The following ALG11 variants were observed in gnomAD, a reference collection of about 807,000 sequenced individuals.
ALG11 encodes ALG11 alpha-1,2-mannosyltransferase, also known as GDP-Man:Man(3)GlcNAc(2)-PP-Dol alpha-1,2-mannosyltransferase.
A neutral mutation model predicts 38.8 loss-of-function variants in ALG11; 26 were observed. The ratio of observed to expected loss-of-function variants is 0.67; its 90% CI spans 0.49 to 0.93. The LOEUF (loss-of-function observed/expected upper bound fraction) is 0.93. Ranked by LOEUF, ALG11 falls within the 40% of genes least tolerant of loss-of-function variation. The pLI, the probability that ALG11 is intolerant of heterozygous loss-of-function variation, is 0.00. For missense variants in ALG11, 535 were observed against 578.8 expected (o/e 0.92, Z 0.78); for synonymous variants, 199 against 211.6 (o/e 0.94, Z 0.52).
Position 52,030,296 on chromosome 13 carries a change from C to CT in ALG11, c.*1707dup. On this transcript the variant is annotated 3_prime_UTR_variant, in exon 4 of 4. Transcript: ENST00000521508. ...ACCTGCCCCAGAAGAAGCGGAACCC[C>CT]TATTGCTACAGAGGTCAGAGAGAGT... 1 of 1,614,198 alleles carries CT rather than the reference C, an allele frequency of 6.2e-7. No individual in the cohort carries two copies. The highest frequency in any genetic ancestry group is 8.5e-7 in the Non-Finnish European group (1 of 1,180,038).
At position 52,024,345 on chromosome 13, in the gene ALG11, C is replaced by T. The variant is rs778703747; in HGVS notation, c.615C>T (p.Asp205=). 6.2e-7 allele frequency: 1 copy of T among 1,614,192 alleles called. No homozygotes were observed. Among genetic ancestry groups the T allele is most frequent in the Non-Finnish European group, 8.5e-7 (1 of 1,180,020 alleles). The change falls in exon 3 of 4, where the codon GAC becomes GAT. Residue 205 remains aspartate, a synonymous_variant. Transcript: ENST00000521508. ...TTCATTATCCTACTATCAGCACCGA[C>T]ATGCTCTCTGTAGTGAAGAATCAAA... ...SYVHYPTIST[D]MLSVVKNQNI...
At chr13:52,019,697 T>C (rs1479730604) in intron 2 of ALG11, among the ~76,000 whole-genome samples, 1 of 152,198 alleles carries the variant, frequency 6.6e-6, no homozygotes, top group Non-Finnish European at 1.5e-5. Context: ...TCCCAGTACT[T>C]TGTGAAGCCG....
rs1954283081 is a variant in ALG11, at chr13:52,030,035, C to T, written c.*1445C>T. The T allele has an allele frequency of 1.2e-6, 2 of 1,613,902 alleles. No homozygotes were observed. The highest frequency in any genetic ancestry group is 1.3e-5 in the African/African-American group (1 of 74,912). On this transcript the variant is annotated 3_prime_UTR_variant, in exon 4 of 4. Transcript: ENST00000521508. ...TTCTGCAAGTGAGGCAGAAGAAAGA[C>T]CAGTGGCAGAGGAAGAAATTTTGTT...
chr13:52,018,119 CTT>C (rs1954150614), intron 1 of ALG11, among the ~76,000 whole-genome samples: 1 of 152,154 alleles, frequency 6.6e-6, no homozygotes, highest in South Asian at 2.1e-4. Context: ...ACGTAATAAA[CTT>C]TTGCATCCGT....
intron 3 of ALG11, among the ~76,000 whole-genome samples, chr13:52,026,809 G>T (rs1954245532): frequency 6.6e-6 from 1 of 152,232 alleles, no homozygotes; most frequent in Admixed American, 6.5e-5. Flanking sequence ...GGAGTCTGAA[G>T]TTGAGAGGAG....
At chr13:52,018,860 A>AT (rs1221318134) in intron 1 of ALG11, 53 bp from the exon 2 acceptor site, 12 of 1,468,482 alleles carry the variant, frequency 8.2e-6, no homozygotes, top group South Asian at 2.3e-5. Context: ...TTAATTTGTA[A>AT]TTTTTTTAAT....
At chr13:52,028,009 A>G (rs899764428) in intron 3 of ALG11, among the ~76,000 whole-genome samples, 2 of 152,182 alleles carry the variant, frequency 1.3e-5, no homozygotes, top group African/African-American at 4.8e-5. Flanking sequence ...GGTAAATCCC[A>G]GCACTTTGGG....
intron 3 of ALG11, among the ~76,000 whole-genome samples, chr13:52,026,576 A>G (rs1954242540): frequency 6.6e-6 from 1 of 152,154 alleles, no homozygotes; most frequent in Non-Finnish European, 1.5e-5. Flanking sequence ...CTGCAGTAGT[A>G]TTGACCAGGA....
At position 52,030,670 on chromosome 13, in the gene ALG11, C is replaced by T. The variant is rs756187967; in HGVS notation, c.*2080C>T. ...CTGTGGAGGCGAGTAAGCCAAAGGA[C>T]GTGGACCTGACACTACCTGGCTGGG... On this transcript the variant is annotated 3_prime_UTR_variant, in exon 4 of 4. Coordinates refer to ENST00000521508, the MANE Select transcript of ALG11 (RefSeq NM_001004127.3). The T allele has an allele frequency of 8.7e-6, 14 of 1,614,074 alleles. No individual in the cohort carries two copies. Among genetic ancestry groups the T allele is most frequent in the Admixed American group, 1.7e-5 (1 of 60,006 alleles).
intron 3 of ALG11, 125 bp from the exon 4 acceptor site, chr13:52,028,194 T>C (rs531463116): frequency 8.9e-7 from 1 of 1,128,496 alleles, no homozygotes; most frequent in South Asian, 1.4e-5. Flanking sequence ...AGCAAATGTC[T>C]AGACATACAT....
intron 3 of ALG11, among the ~76,000 whole-genome samples, chr13:52,025,453 AT>A (rs1425236870): frequency 6.6e-6 from 1 of 152,204 alleles, no homozygotes; most frequent in Non-Finnish European, 1.5e-5. Flanking sequence ...AGGTAGATGT[AT>A]TTTGATAATG....
chr13:52,026,700 G>A (rs2140843924), intron 3 of ALG11, among the ~76,000 whole-genome samples: 1 of 152,336 alleles, frequency 6.6e-6, no homozygotes, highest in African/African-American at 2.4e-5. Context: ...GGAAATCCAA[G>A]AGCAAATGCC....
intron 2 of ALG11, chr13:52,022,209 A>T (rs1413288074): frequency 6.6e-6 from 1 of 152,200 alleles, no homozygotes; most frequent in Non-Finnish European, 1.5e-5. Flanking sequence ...CTACTTAAAA[A>T]ATACAAAAAT....
chr13:52,013,521 G>C (rs1954105992), intron 1 of ALG11, among the ~76,000 whole-genome samples: 1 of 152,172 alleles, frequency 6.6e-6, no homozygotes, highest in African/African-American at 2.4e-5. Flanking sequence ...TTTAACTTTA[G>C]TTATTATGCA....
rs1954287458 is a variant in ALG11, at chr13:52,030,260, C to G, written c.*1670C>G. ...TTCAGAGGGGACTGTTCCCCAGGTC[C>G]AGAGAGAGGAACCTGCCCCAGAAGA... On this transcript the variant is annotated 3_prime_UTR_variant, in exon 4 of 4. Coordinates refer to ENST00000521508, the MANE Select transcript of ALG11 (RefSeq NM_001004127.3). 2 of 1,614,176 alleles carry G rather than the reference C, an allele frequency of 1.2e-6. No individual in the cohort carries two copies. Among genetic ancestry groups the G allele is most frequent in the Admixed American group, 1.7e-5 (1 of 60,026 alleles).
Position 52,018,999 on chromosome 13 carries a change from T to G in ALG11, c.131T>G (p.Leu44Arg), listed in dbSNP as rs752342899. 6.2e-7 allele frequency: 1 copy of G among 1,613,968 alleles called. No homozygotes were observed. Among genetic ancestry groups the G allele is most frequent in the East Asian group, 2.2e-5 (1 of 44,874 alleles). The part of the protein sequence containing the change: ...CLVIVLWGIR[L>R]LLQRKKKLVS... ...GTCATTGTCCTTTGGGGAATCAGAC[T>G]GCTGCTACAGAGAAAGAAAAAATTA... The change falls in exon 2 of 4, where the codon CTG becomes CGG. Residue 44 changes from leucine to arginine, a missense_variant. Leu to Arg is a moderately radical substitution (Grantham distance 102). Transcript: ENST00000521508.
In ALG11 at chr13:52,033,176, A is replaced by G. The variant is rs1432698784; in HGVS notation, c.*4586A>G. On this transcript the variant is annotated 3_prime_UTR_variant, in exon 4 of 4. Transcript: ENST00000521508. ...TATTTTTTTCTGAATGATAGCATGA[A>G]AAGTGTCAAAGTGGTTTGTCCGCTA... 6.0e-6 allele frequency: 1 copy of G among 167,060 alleles called. No homozygotes were observed. Among genetic ancestry groups the G allele is most frequent in the African/African-American group, 2.4e-5 (1 of 41,436 alleles). 10.3% of individuals were successfully genotyped at this position (167,060 alleles called of 1,614,324 possible). A position where few individuals can be genotyped will look rare whatever the true frequency, so the allele number is the denominator to read the frequency against.
rs755396915 is a variant in ALG11, at chr13:52,024,508, TGG to T, written c.779_780del (p.Trp260TyrfsTer16). On this transcript the variant is annotated frameshift_variant, in exon 3 of 4. Transcript: ENST00000521508. LOFTEE classifies it high-confidence loss of function. ...CSDVVMVNSS[W>X]TLNHILSLWK... Reference sequence around the variant, plus strand: ...TGATGTAGTCATGGTCAATTCTTCTTGGACACTAAACCATATTCTCTCACTAT... The same window carrying T: ...TGATGTAGTCATGGTCAATTCTTCTTACACTAAACCATATTCTCTCACTAT... 5 of 1,614,232 alleles carry T rather than the reference TGG, an allele frequency of 3.1e-6. No homozygotes were observed.
chr13:52,030,817 G>T lies in ALG11; in HGVS notation c.*2227G>T, dbSNP rs758161781. 6.2e-7 allele frequency: 1 copy of T among 1,614,152 alleles called. No individual in the cohort carries two copies. Among genetic ancestry groups the T allele is most frequent in the Non-Finnish European group, 8.5e-7 (1 of 1,180,036 alleles). ...TGCCAAATGTGATTATCAGTGAGAA[G>T]CGCAACATCCACGCAGCAGCTCATC... On this transcript the variant is annotated 3_prime_UTR_variant, in exon 4 of 4. Coordinates refer to ENST00000521508, the MANE Select transcript of ALG11 (RefSeq NM_001004127.3).
Sources: allele counts gnomAD v4.1 joint callset (sites outside exome capture counted in the v4.1 genomes callset), GRCh38; gene constraint gnomAD v4.1.1; transcripts MANE v1.5; gene names NCBI Gene and HGNC (gene_info 2026-07-23, HGNC 2026-07-21).